The following TENM3 variants were observed in gnomAD, a reference collection of about 807,000 sequenced individuals.
The protein encoded by TENM3 is teneurin transmembrane protein 3, also known as teneurin-3.
A neutral mutation model predicts 255.1 loss-of-function variants in TENM3; 63 were observed. The ratio of observed to expected loss-of-function variants is 0.25; its 90% CI spans 0.20 to 0.30. The LOEUF (loss-of-function observed/expected upper bound fraction) is 0.30, where lower values mean the gene tolerates loss of function less well. TENM3 is among the 10% of genes least tolerant of loss of function. The probability of loss-of-function intolerance (pLI) is 1.00; values close to 1 mark genes in which losing one functional copy is unlikely to be tolerated. For synonymous variants in TENM3, 1,306 were observed against 1,322.3 expected (o/e 0.99, Z 0.27); for missense variants, 2,929 against 3,461.1 (o/e 0.85, Z 3.86).
chr4:181,737,589 C>T, the TENM3 span, among the ~76,000 whole-genome samples: 18 of 152,082 alleles, frequency 1.2e-4, no homozygotes, highest in African/African-American at 4.3e-4. Flanking sequence ...AGGTTTTTCT[C>T]CTTTAAAAAT....
At chr4:181,634,283 A>T in the TENM3 span, among the ~76,000 whole-genome samples, 1 of 152,166 alleles carries the variant, frequency 6.6e-6, no homozygotes, top group African/African-American at 2.4e-5. Flanking sequence ...TATTGAAGTC[A>T]TAAATGTGGC....
the TENM3 span, among the ~76,000 whole-genome samples, chr4:181,544,972 A>G: frequency 6.6e-6 from 1 of 152,300 alleles, no homozygotes; most frequent in East Asian, 1.9e-4. Flanking sequence ...TAGCTCTCAG[A>G]CACTTTATAA....
At chr4:181,665,940 A>C in the TENM3 span, among the ~76,000 whole-genome samples, 75,286 of 151,840 alleles carry the variant, frequency 0.5, 19,147 homozygotes, top group Non-Finnish European at 0.56. Context: ...TTTAAAAAAA[A>C]CTTACACCTA....
intron 1 of TENM3, among the ~76,000 whole-genome samples, chr4:182,192,620 T>A (rs923276814): frequency 6.6e-6 from 1 of 152,258 alleles, no homozygotes; most frequent in Non-Finnish European, 1.5e-5. Context: ...CATTCTTTCA[T>A]GTTTTACAGA....
Position 182,509,554 on chromosome 4 carries a change from A to G in TENM3, c.512-91370A>G, listed in dbSNP as rs148549844. Among the ~76,000 whole-genome samples the G allele has an allele frequency of 3.6e-3, 544 of 152,332 alleles. 6 individuals carry two copies. The highest frequency in any genetic ancestry group is 0.013 in the African/African-American group (521 of 41,580). ...TACTTTCACATATATAATTATTTCA[A>G]TAATGTTGCCAGAAGAATTGAGTAT... is the stretch of plus-strand genomic sequence containing the variant. On this transcript the variant is annotated intron_variant, in intron 3 of 27. Transcript: ENST00000511685.
At chr4:182,378,459 T>G (rs1767332605) in intron 3 of TENM3, among the ~76,000 whole-genome samples, 1 of 152,096 alleles carries the variant, frequency 6.6e-6, no homozygotes, top group South Asian at 2.1e-4. Context: ...TTGGACCAGG[T>G]GGCCAGGGAA....
intron 6 of TENM3, among the ~76,000 whole-genome samples, chr4:182,656,127 C>T (rs1477537771): frequency 6.6e-6 from 1 of 152,002 alleles, no homozygotes; most frequent in Non-Finnish European, 1.5e-5. Context: ...TACATATAAG[C>T]GAAGTACTTT....
At chr4:181,527,064 C>G in the TENM3 span, among the ~76,000 whole-genome samples, 2 of 149,370 alleles carry the variant, frequency 1.3e-5, no homozygotes, top group Non-Finnish European at 3.0e-5. Context: ...ACTCCTCTGG[C>G]CCCCTGTGCG....
At chr4:182,048,898 G>A in the TENM3 span, among the ~76,000 whole-genome samples, 1 of 152,268 alleles carries the variant, frequency 6.6e-6, no homozygotes, top group South Asian at 2.1e-4. Flanking sequence ...GTTATCACCA[G>A]GAATGGTAAG....
the TENM3 span, among the ~76,000 whole-genome samples, chr4:181,947,084 G>T: frequency 1.3e-4 from 20 of 152,224 alleles, no homozygotes; most frequent in East Asian, 3.9e-4. Flanking sequence ...CATCCTAGCC[G>T]CAGGATAATT....
chr4:182,515,368 A>G (rs1000981415), intron 3 of TENM3, among the ~76,000 whole-genome samples: 6 of 152,196 alleles, frequency 3.9e-5, no homozygotes, highest in African/African-American at 1.4e-4. Flanking sequence ...TTTGAAAAAA[A>G]TAGATGAGAG....
the TENM3 span, among the ~76,000 whole-genome samples, chr4:181,615,883 A>G: frequency 6.6e-6 from 1 of 152,202 alleles, no homozygotes; most frequent in South Asian, 2.1e-4. Flanking sequence ...AAGTCATTTT[A>G]TTATCCACAT....
chr4:181,643,074 G>A, the TENM3 span, among the ~76,000 whole-genome samples: 156 of 152,248 alleles, frequency 1.0e-3, no homozygotes, highest in African/African-American at 3.6e-3. Flanking sequence ...GGATAGCATT[G>A]ACTCCATAAA....
chr4:182,098,553 G>T, the TENM3 span, among the ~76,000 whole-genome samples: 1 of 152,178 alleles, frequency 6.6e-6, no homozygotes, highest in Non-Finnish European at 1.5e-5. Flanking sequence ...GGAAGTGGGG[G>T]TTATGTAAAA....
At chr4:182,240,597 C>A (rs1434177939), upstream of TENM3, among the ~76,000 whole-genome samples, 1 of 152,148 alleles carries the variant, frequency 6.6e-6, no homozygotes. Context: ...AGTTATCTTG[C>A]GTGCACTTTG....
At chr4:182,731,422 C>T (rs1447810624) in intron 16 of TENM3, among the ~76,000 whole-genome samples, 8 of 151,884 alleles carry the variant, frequency 5.3e-5, no homozygotes, top group East Asian at 2.0e-4. Context: ...GCAGGAGAAT[C>T]GCTTGAACCC....
At chr4:182,395,830 C>G (rs1768769168) in intron 3 of TENM3, among the ~76,000 whole-genome samples, 1 of 152,140 alleles carries the variant, frequency 6.6e-6, no homozygotes, top group African/African-American at 2.4e-5. Flanking sequence ...TCGCTCTGCT[C>G]TGAAATTGCT....
chr4:182,205,062 C>T (rs992532136), intron 1 of TENM3, among the ~76,000 whole-genome samples: 5 of 152,154 alleles, frequency 3.3e-5, no homozygotes, highest in African/African-American at 1.2e-4. Flanking sequence ...TTTAAAATAA[C>T]CCCATCTTAC....
chr4:181,576,930 C>G, the TENM3 span, among the ~76,000 whole-genome samples: 1 of 140,048 alleles, frequency 7.1e-6, no homozygotes, highest in African/African-American at 2.7e-5. Context: ...TCTCCTGCCT[C>G]AGCCTCCCAA....
Sources: gnomAD v4.1 joint callset for allele counts (sites outside exome capture counted in the v4.1 genomes callset) on GRCh38, gnomAD v4.1.1 for gene constraint, MANE v1.5 for transcripts, NCBI Gene and HGNC (gene_info 2026-07-23, HGNC 2026-07-21) for gene names.